The following RTN1 variants were observed in gnomAD, a reference collection of about 807,000 sequenced individuals.
RTN1 encodes the protein reticulon-1.
Under a neutral mutation model 65.5 loss-of-function variants are expected in RTN1, and 25 were observed. The observed-to-expected ratio is 0.38, with a 90% CI of 0.28 to 0.53. The LOEUF is 0.53. Ranked by LOEUF, RTN1 falls within the 20% of genes least tolerant of loss-of-function variation. RTN1 has a pLI of 0.79. For missense variants in RTN1, 983 were observed against 1,025.4 expected, an observed-to-expected ratio of 0.96 and a Z score of 0.57; for synonymous variants, 471 against 447.6, an observed-to-expected ratio of 1.05 and a Z score of -0.66.
chr14:59,734,950 T>A lies in RTN1; in HGVS notation c.1016-7282A>T, dbSNP rs116613634. On this transcript the variant is annotated intron_variant, in intron 2 of 8. Coordinates refer to ENST00000267484, the MANE Select transcript of RTN1 (RefSeq NM_021136.3). ...CACATAATCATCAAATTCTTCAGGG[T>A]CAAAATGAAAGAAAAAATGTTAAGG... Among the ~76,000 whole-genome samples, 199 of 150,510 alleles carry A rather than the reference T, an allele frequency of 1.3e-3. 1 individual carries two copies. Among genetic ancestry groups the A allele is most frequent in the African/African-American group, 4.7e-3 (192 of 40,914 alleles).
chr14:59,727,819 G>C lies in RTN1; in HGVS notation c.1016-151C>G, dbSNP rs1884813566. ...TATCTCATTAGCACAAAAATAATCT[G>C]TTTCCAGGGCTATGCTGGAAAGACA... is the stretch of plus-strand genomic sequence containing the variant. On this transcript the variant is annotated intron_variant, in intron 2 of 8. Coordinates refer to ENST00000267484, the MANE Select transcript of RTN1 (RefSeq NM_021136.3). The surrounding 1 kb of genome is among the most constrained non-coding windows in gnomAD (Gnocchi z 4.2). 8.7e-7 allele frequency: 1 copy of C among 1,154,934 alleles called. No homozygotes were observed. The highest frequency in any genetic ancestry group is 1.6e-5 in the African/African-American group (1 of 63,498). 71.5% of individuals were successfully genotyped at this position (1,154,934 alleles called of 1,614,324 possible). A position where few individuals can be genotyped will look rare whatever the true frequency, so the allele number is the denominator to read the frequency against.
intron 1 of RTN1, among the ~76,000 whole-genome samples, chr14:59,859,389 G>A (rs57067605): frequency 0.18 from 26,818 of 152,118 alleles, 2,882 homozygotes; most frequent in East Asian, 0.29. Flanking sequence ...GCTCCTCCTT[G>A]CTTTCCACCA....
In RTN1 at chr14:59,794,395, G is replaced by A. The variant is rs2139592778; in HGVS notation, c.242-47914C>T. On this transcript the variant is annotated intron_variant, in intron 1 of 8. Transcript: ENST00000267484. The surrounding 1 kb of genome is among the most constrained non-coding windows in gnomAD (Gnocchi z 5.1). ...AACTTGAAAGTATTCTAAGCCACTG[G>A]ATCAAATCACCTCCAAAGCCTGTCT... is the stretch of plus-strand genomic sequence containing the variant. 6.6e-6 allele frequency among the ~76,000 whole-genome samples: 1 copy of A among 152,254 alleles called. No homozygotes were observed. Among genetic ancestry groups the A allele is most frequent in the African/African-American group, 2.4e-5 (1 of 41,546 alleles).
intron 1 of RTN1, among the ~76,000 whole-genome samples, chr14:59,845,058 T>A (rs1887380813): frequency 6.6e-6 from 1 of 152,198 alleles, no homozygotes; most frequent in African/African-American, 2.4e-5. Flanking sequence ...ATAACCAAAG[T>A]AAAATTTAAT....
chr14:59,806,970 G>T (rs1201689771), intron 1 of RTN1, among the ~76,000 whole-genome samples: 4 of 152,144 alleles, frequency 2.6e-5, no homozygotes, highest in Admixed American at 2.6e-4. Context: ...CCCTCAAAAG[G>T]CTGAGAACAA....
intron 3 of RTN1, among the ~76,000 whole-genome samples, chr14:59,646,775 A>G (rs923097088): frequency 6.6e-6 from 1 of 152,190 alleles, no homozygotes; most frequent in African/African-American, 2.4e-5. Flanking sequence ...TCTGCTTTAC[A>G]AGAGATCTTG....
At position 59,824,990 on chromosome 14, in the gene RTN1, C is replaced by T. The variant is rs191337758; in HGVS notation, c.241+45400G>A. On this transcript the variant is annotated intron_variant, in intron 1 of 8. Coordinates refer to ENST00000267484, the MANE Select transcript of RTN1 (RefSeq NM_021136.3). ...TGGTGGTTGTCAGGGGCTGGGGGAG[C>T]GAGGAAATGGAGAGATGCTGGTCAA... Among the ~76,000 whole-genome samples, 246 of 152,010 alleles carry T rather than the reference C, an allele frequency of 1.6e-3. 11 individuals are homozygous for T. In the East Asian group the frequency reaches 0.042, roughly 26 times the overall value.
intron 2 of RTN1, among the ~76,000 whole-genome samples, chr14:59,733,447 C>A (rs1884943256): frequency 6.6e-6 from 1 of 152,118 alleles, no homozygotes; most frequent in South Asian, 2.1e-4. Context: ...GGCGAGGCCT[C>A]CCAGCTGGCC....
intron 1 of RTN1, among the ~76,000 whole-genome samples, chr14:59,864,089 ACTCTAAATATGTTC>A (rs767367340): frequency 2.6e-5 from 4 of 151,908 alleles, no homozygotes; most frequent in Non-Finnish European, 5.9e-5. Flanking sequence ...TTAAAACTGA[ACTCTAAATATGTTC>A]CTTCTCTATT....
chr14:59,614,327 C>T (rs1882045828), intron 3 of RTN1, among the ~76,000 whole-genome samples: 2 of 152,154 alleles, frequency 1.3e-5, no homozygotes, highest in Admixed American at 1.3e-4. Context: ...CCTCCAAGGG[C>T]TCCACCCTGA....
chr14:59,819,414 A>ACCACC (rs1886889373), intron 1 of RTN1, among the ~76,000 whole-genome samples: 1 of 31,862 alleles, frequency 3.1e-5, no homozygotes, highest in African/African-American at 3.0e-4. Flanking sequence ...CACCACCACC[A>ACCACC]CCCCCCCCCC....
At chr14:59,773,625 T>A (rs1885998693) in intron 1 of RTN1, among the ~76,000 whole-genome samples, 1 of 152,170 alleles carries the variant, frequency 6.6e-6, no homozygotes, top group Non-Finnish European at 1.5e-5. Context: ...AAGAATCTCC[T>A]AAAGACAGTT....
At chr14:59,604,604 G>A (rs1437721851) in intron 5 of RTN1, 3 of 152,294 alleles carry the variant, frequency 2.0e-5, no homozygotes, top group Admixed American at 6.5e-5. Flanking sequence ...TGAGGGTCAA[G>A]ACCACATTTT....
intron 1 of RTN1, among the ~76,000 whole-genome samples, chr14:59,808,293 T>C (rs911936530): frequency 1.3e-5 from 2 of 152,206 alleles, no homozygotes; most frequent in African/African-American, 4.8e-5. Flanking sequence ...CATAGAAAGA[T>C]GCTGAAAGTC....
intron 1 of RTN1, among the ~76,000 whole-genome samples, chr14:59,759,512 C>T (rs997477271): frequency 6.6e-6 from 1 of 152,034 alleles, no homozygotes; most frequent in African/African-American, 2.4e-5. Flanking sequence ...TTATTAAGGG[C>T]TCATTATTAT....
At chr14:59,834,232 T>A (rs187218445) in intron 1 of RTN1, among the ~76,000 whole-genome samples, 14 of 152,068 alleles carry the variant, frequency 9.2e-5, no homozygotes, top group Admixed American at 6.5e-5. Flanking sequence ...TGGACCTATA[T>A]ATAAAACCTG....
intron 3 of RTN1, among the ~76,000 whole-genome samples, chr14:59,612,800 T>C (rs1184554963): frequency 2.0e-5 from 3 of 152,232 alleles, no homozygotes; most frequent in Admixed American, 2.0e-4. Context: ...TTGGGGTTCA[T>C]GTCATAATTA....
At chr14:59,826,793 A>G (rs1462325323) in intron 1 of RTN1, among the ~76,000 whole-genome samples, 1 of 152,210 alleles carries the variant, frequency 6.6e-6, no homozygotes, top group Non-Finnish European at 1.5e-5. Context: ...TCATGGAAAA[A>G]AGACAGGGCC....
At chr14:59,673,618 G>T (rs1287052378) in intron 3 of RTN1, among the ~76,000 whole-genome samples, 3 of 152,168 alleles carry the variant, frequency 2.0e-5, no homozygotes, top group African/African-American at 7.2e-5. Context: ...ATGGAAGCAT[G>T]CATGCTGATT....
Sources: gnomAD v4.1 joint callset for allele counts (sites outside exome capture counted in the v4.1 genomes callset) on GRCh38, gnomAD v4.1.1 for gene constraint, Gnocchi (gnomAD v3.1) non-coding constraint, MANE v1.5 for transcripts, NCBI Gene and HGNC (gene_info 2026-07-23, HGNC 2026-07-21) for gene names.